The following TMEM164 variants were observed in gnomAD, a reference collection of about 807,000 sequenced individuals.
TMEM164 encodes the protein RP13-360B22.2.
TMEM164 carries 4 observed loss-of-function variants against 18.8 expected under a neutral mutation model. That is an observed-to-expected ratio of 0.21 (90% CI 0.10 to 0.49). The LOEUF is 0.49. TMEM164 is among the 20% of genes least tolerant of loss of function. The probability of loss-of-function intolerance (pLI) is 0.98; values close to 1 mark genes in which losing one functional copy is unlikely to be tolerated. For synonymous variants in TMEM164, 86 were observed against 101.7 expected (o/e 0.85, Z 0.93); for missense variants, 108 against 239.9 (o/e 0.45, Z 3.63).
intron 5 of TMEM164, among the ~76,000 whole-genome samples, chrX:110,168,610 C>G (rs747733917): frequency 3.7e-4 from 42 of 112,849 alleles, no homozygotes; most frequent in South Asian, 1.5e-3. Flanking sequence ...CCTTCTGACT[C>G]AGATGTGCCA....
At chrX:110,173,122 C>A in intron 6 of TMEM164, 123 bp from the exon 7 acceptor site, 1 of 666,289 alleles carries the variant, frequency 1.5e-6, no homozygotes, top group East Asian at 3.3e-5. Flanking sequence ...CCTTTATAAA[C>A]AGGTGGGGAT....
chrX:110,020,608 C>G (rs1951276159), intron 2 of TMEM164: 3 of 752,563 alleles, frequency 4.0e-6, no homozygotes, highest in East Asian at 1.5e-4. Flanking sequence ...AAGGCAGGAG[C>G]TGGTCCTCTA....
intron 2 of TMEM164, among the ~76,000 whole-genome samples, chrX:110,017,444 T>TTCTTTCTTTC (rs1182465665): frequency 4.0e-3 from 171 of 43,000 alleles, no homozygotes; most frequent in African/African-American, 0.012. Flanking sequence ...CTTTCTTTCT[T>TTCTTTCTTTC]TCTCTCTCTC....
intron 2 of TMEM164, among the ~76,000 whole-genome samples, chrX:110,037,626 G>A (rs968301383): frequency 3.4e-4 from 38 of 111,745 alleles, no homozygotes; most frequent in African/African-American, 1.2e-3. Context: ...TTAGCCACAG[G>A]CAAAATTGCC....
chrX:110,173,847 C>T lies in TMEM164; in HGVS notation c.*396C>T. On this transcript the variant is annotated 3_prime_UTR_variant, in exon 7 of 7. Transcript: ENST00000372068. ...AATGAGATTGGGTTGTGTTTCATTT[C>T]TCCACTGCCAGGGACCTCCAGGCTT... 6.2e-6 allele frequency: 1 copy of T among 162,193 alleles called. No homozygotes were observed. The highest frequency in any genetic ancestry group is 1.3e-4 in the South Asian group (1 of 7,547). The allele number at this position is 162,193 out of a possible 1,213,427, so 13.4% of individuals were successfully genotyped here.
intron 4 of TMEM164, among the ~76,000 whole-genome samples, chrX:110,136,688 G>A (rs927845438): frequency 9.0e-6 from 1 of 111,006 alleles, no homozygotes; most frequent in Non-Finnish European, 1.9e-5. Context: ...TCTCACTTCA[G>A]CCTGTTCTTC....
In TMEM164 at chrX:110,084,481, G is replaced by GTATATATATATATAT. The variant is rs1263986271; in HGVS notation, c.440+17085_440+17086insTATATATATATATAT. On this transcript the variant is annotated intron_variant, in intron 3 of 6. Transcript: ENST00000372068. ...ATAGTATAGTATATATATATATAGA[G>GTATATATATATATAT]AGAGAGAGAGAGAGAGAGACATGGT... 1.1e-4 allele frequency among the ~76,000 whole-genome samples: 5 copies of GTATATATATATATAT among 46,646 alleles called. 1 individual carries two copies. Among genetic ancestry groups the GTATATATATATATAT allele is most frequent in the Admixed American group, 5.4e-4 (2 of 3,714 alleles). 40.5% of individuals were successfully genotyped at this position (46,646 alleles called of 115,157 possible). A position where few individuals can be genotyped will look rare whatever the true frequency, so the allele number is the denominator to read the frequency against.
At chrX:110,122,177 A>C (rs910810104) in intron 4 of TMEM164, among the ~76,000 whole-genome samples, 56 of 108,963 alleles carry the variant, frequency 5.1e-4, no homozygotes, top group Non-Finnish European at 9.5e-4. Flanking sequence ...AACCAACCCA[A>C]ATGTCCAACA....
chrX:110,140,781 C>G (rs2148053156), intron 4 of TMEM164, among the ~76,000 whole-genome samples: 1 of 112,366 alleles, frequency 8.9e-6, no homozygotes, highest in East Asian at 2.8e-4. Flanking sequence ...ATTCCTCCAG[C>G]TGAAAAAGAA....
At chrX:110,064,516 A>G (rs180993419) in intron 2 of TMEM164, among the ~76,000 whole-genome samples, 2 of 112,053 alleles carry the variant, frequency 1.8e-5, no homozygotes, top group African/African-American at 6.5e-5. Context: ...GAGGTTCAGT[A>G]TCAGAAATCT....
At chrX:110,077,400 T>C (rs918840497) in intron 3 of TMEM164, among the ~76,000 whole-genome samples, 4 of 111,853 alleles carry the variant, frequency 3.6e-5, no homozygotes, top group African/African-American at 1.3e-4. Context: ...GTCTTGGTTG[T>C]TTTTATCCAT....
At chrX:110,179,165 G>A (rs1360484676), downstream of TMEM164, among the ~76,000 whole-genome samples, 5 of 112,000 alleles carry the variant, frequency 4.5e-5, no homozygotes, top group Non-Finnish European at 9.4e-5. Context: ...GCTGCGGAGA[G>A]GAGGTGAGGA....
intron 5 of TMEM164, among the ~76,000 whole-genome samples, chrX:110,153,858 G>A (rs1343363498): frequency 3.6e-5 from 4 of 111,314 alleles, no homozygotes; most frequent in Admixed American, 9.6e-5. Flanking sequence ...ATGTGGCCCA[G>A]GGAAGCCAAA....
At chrX:110,046,531 T>C (rs923384939) in intron 2 of TMEM164, 1 of 709,630 alleles carries the variant, frequency 1.4e-6, no homozygotes, top group East Asian at 1.5e-4. Flanking sequence ...AAATTAACAT[T>C]GTTTCTTCTA....
At chrX:110,172,558 A>G (rs1311734180) in intron 6 of TMEM164, among the ~76,000 whole-genome samples, 2 of 111,487 alleles carry the variant, frequency 1.8e-5, no homozygotes, top group South Asian at 7.6e-4. Flanking sequence ...AGGAAGCCGT[A>G]CAAAGTTCAC....
chrX:110,165,425 T>A (rs140164700), intron 5 of TMEM164, among the ~76,000 whole-genome samples: 4 of 113,045 alleles, frequency 3.5e-5, no homozygotes, highest in Admixed American at 9.3e-5. Flanking sequence ...CCTTTCCTTC[T>A]TGAAACTTGA....
intron 2 of TMEM164, among the ~76,000 whole-genome samples, chrX:110,032,018 G>C (rs2147756963): frequency 9.0e-6 from 1 of 111,310 alleles, no homozygotes; most frequent in East Asian, 2.8e-4. Flanking sequence ...TCTCACAAAA[G>C]TGTAGTGTGA....
intron 2 of TMEM164, among the ~76,000 whole-genome samples, chrX:110,044,617 TTTTTTA>T: frequency 1.1e-5 from 1 of 92,688 alleles, no homozygotes; most frequent in Admixed American, 1.2e-4. Context: ...TTTTTTTTTT[TTTTTTA>T]CTTTTTTTCT....
chrX:110,106,355 C>T (rs1309235636), intron 3 of TMEM164, among the ~76,000 whole-genome samples: 2 of 109,047 alleles, frequency 1.8e-5, no homozygotes, highest in African/African-American at 6.7e-5. Flanking sequence ...CATGGCAAAG[C>T]CTGGCACCAG....
Sources: allele counts gnomAD v4.1 joint callset (sites outside exome capture counted in the v4.1 genomes callset), GRCh38; gene constraint gnomAD v4.1.1; transcripts MANE v1.5; gene names NCBI Gene and HGNC (gene_info 2026-07-23, HGNC 2026-07-21).